Variants in SEMA7A observed in about 807,000 individuals in gnomAD.
SEMA7A encodes the protein semaphorin 7A (JohnMiltonHagen blood group), also known as semaphorin-7A.
SEMA7A carries 21 observed loss-of-function variants against 67.5 expected under a neutral mutation model. The observed-to-expected ratio is 0.31, with a 90% CI of 0.22 to 0.45. SEMA7A has a LOEUF of 0.45. Among genes scored for constraint, SEMA7A ranks in the 20% least tolerant of loss-of-function variants. The probability of loss-of-function intolerance (pLI) is 1.00; values close to 1 mark genes in which losing one functional copy is unlikely to be tolerated. For missense variants in SEMA7A, 774 were observed against 908.6 expected, an observed-to-expected ratio of 0.85 and a Z score of 1.90; for synonymous variants, 364 against 368.5, an observed-to-expected ratio of 0.99 and a Z score of 0.14.
At chr15:74,430,578 C>A (rs1450922059) in intron 1 of SEMA7A, among the ~76,000 whole-genome samples, 1 of 152,232 alleles carries the variant, frequency 6.6e-6, no homozygotes, top group Non-Finnish European at 1.5e-5. Context: ...ACCGGACCTG[C>A]TCTCAGAATC....
intron 1 of SEMA7A, among the ~76,000 whole-genome samples, chr15:74,421,477 C>T (rs1229455378): frequency 6.6e-6 from 1 of 152,158 alleles, no homozygotes; most frequent in Non-Finnish European, 1.5e-5. Flanking sequence ...ACTGTTCGTC[C>T]CATTTTGCAG....
intron 3 of SEMA7A, 99 bp from the exon 4 acceptor site, chr15:74,418,068 A>G (rs1596192426): frequency 2.1e-6 from 3 of 1,409,444 alleles, no homozygotes; most frequent in Admixed American, 3.5e-5. Context: ...AAGGTGTCAG[A>G]AGGGCTTAGC....
At position 74,411,112 on chromosome 15, in the gene SEMA7A, C is replaced by G. The variant is rs971840926; in HGVS notation, c.1640-127G>C. On this transcript the variant is annotated intron_variant, in intron 13 of 13. Coordinates refer to ENST00000261918, the MANE Select transcript of SEMA7A (RefSeq NM_003612.5). This position sits in a 1 kb window ranked among gnomAD's most constrained non-coding sequence, Gnocchi z 4.4. Reference sequence around the variant, plus strand: ...TGAACGTGGGGAACCCAGCCCTCAGCGTCCTCCTTTTTTCTCCCGTCTCGC... The same window carrying G: ...TGAACGTGGGGAACCCAGCCCTCAGGGTCCTCCTTTTTTCTCCCGTCTCGC... 2 of 1,428,936 alleles carry G rather than the reference C, an allele frequency of 1.4e-6. No homozygotes were observed. The highest frequency in any genetic ancestry group is 1.4e-5 in the African/African-American group (1 of 69,996). The allele number at this position is 1,428,936 out of a possible 1,614,324, so 88.5% of individuals were successfully genotyped here. A position where few individuals can be genotyped will look rare whatever the true frequency, so the allele number is the denominator to read the frequency against.
intron 1 of SEMA7A, among the ~76,000 whole-genome samples, chr15:74,424,426 A>T (rs567656784): frequency 6.6e-6 from 1 of 152,338 alleles, no homozygotes; most frequent in African/African-American, 2.4e-5. Flanking sequence ...AAGTGGAGGC[A>T]GCAGAAGAAA....
intron 10 of SEMA7A, 126 bp from the exon 11 acceptor site, chr15:74,412,138 G>A (rs1267422505): frequency 2.6e-6 from 3 of 1,149,208 alleles, no homozygotes; most frequent in South Asian, 2.9e-5. Context: ...GTGTGGGCAG[G>A]GCGAGGAGAG....
chr15:74,415,329 G>C (rs2060939132), intron 8 of SEMA7A, among the ~76,000 whole-genome samples: 1 of 152,134 alleles, frequency 6.6e-6, no homozygotes, highest in African/African-American at 2.4e-5. Flanking sequence ...CCACAGAGCA[G>C]GGTCTTGGCT....
In SEMA7A at chr15:74,411,546, G is replaced by A. The variant is rs1433590421; in HGVS notation, c.1577+10C>T. The stretch of plus-strand genomic sequence containing the variant: ...CTTCTCCCAGGGACGAGGGATCCCG[G>A]CCAACGTACCGTTCGGAGCTGTAGA... On this transcript the variant is annotated intron_variant, in intron 12 of 13. Transcript: ENST00000261918. This position sits in a 1 kb window ranked among gnomAD's most constrained non-coding sequence, Gnocchi z 4.4. 4.5e-6 allele frequency: 7 copies of A among 1,549,104 alleles called. No individual in the cohort carries two copies. The African/African-American group carries it at 9.6e-5, about 21-fold the overall frequency.
chr15:74,425,417 C>T (rs1037298920), intron 1 of SEMA7A, among the ~76,000 whole-genome samples: 1 of 152,174 alleles, frequency 6.6e-6, no homozygotes, highest in African/African-American at 2.4e-5. Flanking sequence ...GAGGTTCATA[C>T]TCAGGCAAGC....
At position 74,414,302 on chromosome 15, in the gene SEMA7A, T is replaced by A. The variant is rs921494872; in HGVS notation, c.1294+245A>T. On this transcript the variant is annotated intron_variant, in intron 10 of 13. Coordinates refer to ENST00000261918, the MANE Select transcript of SEMA7A (RefSeq NM_003612.5). The surrounding 1 kb of genome is among the most constrained non-coding windows in gnomAD (Gnocchi z 4.1). ...CCTGGCTTTGCTCAGACTCTCCAGA[T>A]TTCCGCCTCCAAATCCCAGTGCTTG... is the stretch of plus-strand genomic sequence containing the variant. 1.3e-5 allele frequency among the ~76,000 whole-genome samples: 2 copies of A among 152,130 alleles called. No individual in the cohort carries two copies. Among genetic ancestry groups the A allele is most frequent in the Non-Finnish European group, 2.9e-5 (2 of 68,016 alleles).
In SEMA7A at chr15:74,415,962, T is replaced by C. The variant is rs2060944395; in HGVS notation, c.825A>G (p.Ser275=). Reference sequence around the variant, plus strand: ...AAGTGTTCCACTTGGAGACTGACAGTGAACTTTCCCCACCCTGGTCCCCCT... The same window carrying C: ...AAGTGTTCCACTTGGAGACTGACAGCGAACTTTCCCCACCCTGGTCCCCCT... The part of the protein sequence containing the change: ...LCRGDQGGES[S]LSVSKWNTFL... The change falls in exon 8 of 14, where the codon TCA becomes TCG. Residue 275 remains serine (S), a synonymous_variant. Coordinates refer to ENST00000261918, the MANE Select transcript of SEMA7A (RefSeq NM_003612.5). The C allele has an allele frequency of 1.2e-6, 2 of 1,613,954 alleles. No homozygotes were observed. Among genetic ancestry groups the C allele is most frequent in the Non-Finnish European group, 1.7e-6 (2 of 1,179,910 alleles).
chr15:74,412,932 C>A (rs2060914323), intron 10 of SEMA7A, among the ~76,000 whole-genome samples: 3 of 152,210 alleles, frequency 2.0e-5, no homozygotes, highest in Non-Finnish European at 4.4e-5. Context: ...AATGCTCTCT[C>A]CGTTCACAAT....
intron 1 of SEMA7A, among the ~76,000 whole-genome samples, chr15:74,424,418 G>C (rs2061026001): frequency 6.6e-6 from 1 of 152,206 alleles, no homozygotes; most frequent in South Asian, 2.1e-4. Context: ...TTTTCTGGAA[G>C]TGGAGGCAGC....
chr15:74,424,149 T>C (rs1224352810), intron 1 of SEMA7A, among the ~76,000 whole-genome samples: 1 of 152,156 alleles, frequency 6.6e-6, no homozygotes, highest in Non-Finnish European at 1.5e-5. Context: ...GGCTCAGCCC[T>C]GGCTCCAAGA....
rs1352811471 is a variant in SEMA7A at position 74,417,391 on chromosome 15, C to G, written c.605G>C (p.Arg202Pro). Residue 202 changes from arginine (R) to proline (P), a missense_variant, in exon 6 of 14, where the codon CGG (arginine) becomes CCG (proline). Around this residue, in one of 2 missense-constraint regions of SEMA7A, gnomAD observed 347 missense variants for 353.2 expected, o/e 0.98. Coordinates refer to ENST00000261918, the MANE Select transcript of SEMA7A (RefSeq NM_003612.5). ...RKQEYNGKIP[R>P]FRRIRGESEL... ...ACTCTCGCCCCGGATGCGGCGGAAC[C>G]GAGGGATCTTCCCATTGTATTCCTG... 1 of 1,614,066 alleles carries G rather than the reference C, an allele frequency of 6.2e-7. No homozygotes were observed. Among genetic ancestry groups the G allele is most frequent in the East Asian group, 2.2e-5 (1 of 44,880 alleles).
Position 74,433,790 on chromosome 15 carries a change from G to C in SEMA7A, c.129C>G (p.Ser43=), listed in dbSNP as rs768334133. The C allele has an allele frequency of 2.8e-5, 40 of 1,431,116 alleles. No homozygotes were observed. The Admixed American group carries it at 1.1e-3, about 40-fold the overall frequency. The allele number at this position is 1,431,116 out of a possible 1,614,324, so 88.7% of individuals were successfully genotyped here. A position where few individuals can be genotyped will look rare whatever the true frequency, so the allele number is the denominator to read the frequency against. Residue 43 remains serine (S), a synonymous_variant, in exon 1 of 14, where the codon TCC becomes TCG. Coordinates refer to ENST00000261918, the MANE Select transcript of SEMA7A (RefSeq NM_003612.5). ...LLLLLWAAAA[S]AQGHLRSGPR... is the part of the protein sequence containing the mutation. ...GTCCGCTCCTTAGGTGGCCCTGGGC[G>C]GAGGCGGCGGCCGCCCAGAGCAGCA...
In SEMA7A at chr15:74,410,615, C is replaced by T. The variant is rs1228588735; in HGVS notation, c.*9G>A. ...CAGAAGCCTGAGGCATGCCCAGCCT[C>T]GGGAGGCCCTAGTGGACCAGCAAGC... On this transcript the variant is annotated 3_prime_UTR_variant, in exon 14 of 14. Coordinates refer to ENST00000261918, the MANE Select transcript of SEMA7A (RefSeq NM_003612.5). The surrounding 1 kb of genome is among the most constrained non-coding windows in gnomAD (Gnocchi z 7.5). 18 of 1,570,180 alleles carry T rather than the reference C, an allele frequency of 1.1e-5. No individual in the cohort carries two copies. The highest frequency in any genetic ancestry group is 1.4e-5 in the Non-Finnish European group (16 of 1,154,422).
In SEMA7A at chr15:74,410,270, TCTC is replaced by T. The variant is rs1192017033; in HGVS notation, c.*351_*353del. ...CCCAGGGTCGAGATGGAGTCCCAGC[TCTC>T]CTATCCAAACCCACTCCCCGACCCA... On this transcript the variant is annotated 3_prime_UTR_variant, in exon 14 of 14. Transcript: ENST00000261918. This position sits in a 1 kb window ranked among gnomAD's most constrained non-coding sequence, Gnocchi z 7.5. 4.1e-6 allele frequency: 1 copy of T among 241,190 alleles called. No individual in the cohort carries two copies. The highest frequency in any genetic ancestry group is 7.9e-6 in the Non-Finnish European group (1 of 126,098). 14.9% of individuals were successfully genotyped at this position (241,190 alleles called of 1,614,324 possible). A position where few individuals can be genotyped will look rare whatever the true frequency, so the allele number is the denominator to read the frequency against.
chr15:74,424,758 A>C (rs1330934023), intron 1 of SEMA7A, among the ~76,000 whole-genome samples: 2 of 152,220 alleles, frequency 1.3e-5, no homozygotes, highest in Non-Finnish European at 2.9e-5. Context: ...GGAGTGGGTA[A>C]GATGCCCTGA....
rs948402677 is a variant in SEMA7A, at chr15:74,433,802, C to A, written c.117G>T (p.Ala39=). The A allele has an allele frequency of 1.1e-5, 15 of 1,420,488 alleles. No homozygotes were observed. In the African/African-American group the frequency reaches 2.2e-4, roughly 21 times the overall value. The allele number at this position is 1,420,488 out of a possible 1,614,324, so 88.0% of individuals were successfully genotyped here. A position where few individuals can be genotyped will look rare whatever the true frequency, so the allele number is the denominator to read the frequency against. ...GGTGGCCCTGGGCGGAGGCGGCGGC[C>A]GCCCAGAGCAGCAGCAGCAGCCGCA... ...LRLRLLLLLW[A]AAASAQGHLR... Residue 39 remains alanine, a synonymous_variant, in exon 1 of 14, where the codon GCG becomes GCT. Transcript: ENST00000261918.
Sources: allele counts gnomAD v4.1 joint callset (sites outside exome capture counted in the v4.1 genomes callset), GRCh38; gene constraint gnomAD v4.1.1; regional missense constraint gnomAD v4.1.1; non-coding constraint Gnocchi (gnomAD v3.1); transcripts MANE v1.5; gene names NCBI Gene and HGNC (gene_info 2026-07-23, HGNC 2026-07-21).